ASAP1: variants seen among roughly 807,000 people sequenced by gnomAD.
The protein encoded by ASAP1 is arf-GAP with SH3 domain, ANK repeat and PH domain-containing protein 1.
A neutral mutation model predicts 145.2 loss-of-function variants in ASAP1; 43 were observed. The ratio of observed to expected loss-of-function variants is 0.30; its 90% CI spans 0.23 to 0.38. The LOEUF (loss-of-function observed/expected upper bound fraction) is 0.38. ASAP1 is among the 10% of genes least tolerant of loss of function. The probability of loss-of-function intolerance (pLI) is 1.00; values close to 1 mark genes in which losing one functional copy is unlikely to be tolerated. For synonymous variants in ASAP1, 546 were observed against 515.5 expected (o/e 1.06, Z -0.80); for missense variants, 1,018 against 1,355.3 (o/e 0.75, Z 3.91).
At chr8:130,098,199 G>C (rs933057510) in intron 24 of ASAP1, among the ~76,000 whole-genome samples, 2 of 152,226 alleles carry the variant, frequency 1.3e-5, no homozygotes, top group African/African-American at 4.8e-5. Flanking sequence ...GCTACGTCCA[G>C]GCAGAACCCC....
intron 17 of ASAP1, among the ~76,000 whole-genome samples, chr8:130,124,625 G>A (rs573085184): frequency 3.3e-5 from 5 of 152,194 alleles, no homozygotes; most frequent in Non-Finnish European, 5.9e-5. Flanking sequence ...GAGGACCCAG[G>A]AACCATTTTG....
chr8:130,344,642 C>T (rs1002269741), intron 3 of ASAP1, among the ~76,000 whole-genome samples: 2 of 152,164 alleles, frequency 1.3e-5, no homozygotes, highest in Admixed American at 6.5e-5. Context: ...GAGGCTGAAG[C>T]GAGATCACTT....
At chr8:130,153,035 G>C (rs2097649842) in intron 12 of ASAP1, among the ~76,000 whole-genome samples, 1 of 150,620 alleles carries the variant, frequency 6.6e-6, no homozygotes, top group South Asian at 2.1e-4. Context: ...TTTTTTTTTT[G>C]AGATGGAGTC....
intron 2 of ASAP1, among the ~76,000 whole-genome samples, chr8:130,394,142 AG>A (rs1283121741): frequency 1.3e-5 from 2 of 152,246 alleles, no homozygotes; most frequent in African/African-American, 4.8e-5. Context: ...AGCAATGTTC[AG>A]GGAACAAGAG....
intron 1 of ASAP1, among the ~76,000 whole-genome samples, chr8:130,423,247 T>C (rs1157356051): frequency 6.6e-6 from 1 of 152,168 alleles, no homozygotes; most frequent in Non-Finnish European, 1.5e-5. Flanking sequence ...GGGAAATATG[T>C]TCAACTTTAG....
intron 24 of ASAP1, among the ~76,000 whole-genome samples, chr8:130,111,604 A>G (rs1019185164): frequency 5.9e-5 from 9 of 152,250 alleles, no homozygotes; most frequent in Non-Finnish European, 2.9e-5. Context: ...CAAGTGCTCC[A>G]TAACTATTAA....
chr8:130,069,389 C>G (rs1020845626), intron 27 of ASAP1, among the ~76,000 whole-genome samples: 1 of 152,126 alleles, frequency 6.6e-6, no homozygotes, highest in Non-Finnish European at 1.5e-5. Flanking sequence ...GCATGTGGCA[C>G]CACGCCTGGC....
At chr8:130,207,006 G>A (rs1472426095) in intron 5 of ASAP1, among the ~76,000 whole-genome samples, 1 of 151,982 alleles carries the variant, frequency 6.6e-6, no homozygotes, top group Admixed American at 6.6e-5. Context: ...AAGGTTGAAC[G>A]TAATTTTTCA....
At chr8:130,189,050 T>C (rs1414466696) in intron 5 of ASAP1, among the ~76,000 whole-genome samples, 1 of 152,206 alleles carries the variant, frequency 6.6e-6, no homozygotes, top group African/African-American at 2.4e-5. Context: ...TATGGATACA[T>C]AATAGTTGTA....
chr8:130,423,172 C>T (rs1237931341), intron 1 of ASAP1, among the ~76,000 whole-genome samples: 2 of 152,122 alleles, frequency 1.3e-5, no homozygotes, highest in Non-Finnish European at 2.9e-5. Context: ...GGGTCAATCT[C>T]GGCTCACTGC....
intron 4 of ASAP1, among the ~76,000 whole-genome samples, chr8:130,234,230 C>G (rs1349616487): frequency 6.6e-6 from 1 of 152,160 alleles, no homozygotes; most frequent in African/African-American, 2.4e-5. Context: ...ATGGCACCCA[C>G]TAGTCATATA....
chr8:130,111,824 T>C (rs553760488), intron 24 of ASAP1, among the ~76,000 whole-genome samples: 1 of 152,190 alleles, frequency 6.6e-6, no homozygotes, highest in African/African-American at 2.4e-5. Flanking sequence ...TTTCCTCTTC[T>C]GTAAAATGGG....
chr8:130,369,717 T>C (rs1226394511), intron 2 of ASAP1, among the ~76,000 whole-genome samples: 1 of 152,076 alleles, frequency 6.6e-6, no homozygotes, highest in African/African-American at 2.4e-5. Context: ...AAGATGGAAA[T>C]TGACAAGTAT....
intron 27 of ASAP1, among the ~76,000 whole-genome samples, chr8:130,071,083 G>T (rs1365362422): frequency 7.1e-6 from 1 of 140,524 alleles, no homozygotes; most frequent in Non-Finnish European, 1.5e-5. Context: ...AGAAAAAAAA[G>T]TATTTTTTCT....
chr8:130,135,322 A>T (rs2097592032), intron 14 of ASAP1, among the ~76,000 whole-genome samples: 1 of 152,104 alleles, frequency 6.6e-6, no homozygotes, highest in Admixed American at 6.5e-5. Context: ...CCCTGCCTCT[A>T]GACAAAAAAT....
chr8:130,400,878 G>A (rs777135798), intron 2 of ASAP1, among the ~76,000 whole-genome samples: 44 of 151,940 alleles, frequency 2.9e-4, no homozygotes, highest in Admixed American at 1.5e-3. Flanking sequence ...TAAAATGAAT[G>A]TAGAAATTCT....
At chr8:130,292,447 G>A (rs985898037) in intron 3 of ASAP1, among the ~76,000 whole-genome samples, 1 of 152,162 alleles carries the variant, frequency 6.6e-6, no homozygotes, top group Non-Finnish European at 1.5e-5. Flanking sequence ...ACAAAGCAGG[G>A]GTCCTTTGAG....
At chr8:130,213,212 G>C (rs911498617) in intron 5 of ASAP1, among the ~76,000 whole-genome samples, 1 of 152,116 alleles carries the variant, frequency 6.6e-6, no homozygotes, top group African/African-American at 2.4e-5. Flanking sequence ...TATCCTTTCC[G>C]AAGTTTTTGA....
At chr8:130,135,988 G>A (rs2097593743) in intron 14 of ASAP1, among the ~76,000 whole-genome samples, 1 of 152,104 alleles carries the variant, frequency 6.6e-6, no homozygotes, top group Non-Finnish European at 1.5e-5. Context: ...GGTTTCAAAG[G>A]GCAAGAAAAT....
Sources: allele counts gnomAD v4.1 joint callset (sites outside exome capture counted in the v4.1 genomes callset), GRCh38; gene constraint gnomAD v4.1.1; transcripts MANE v1.5; gene names NCBI Gene and HGNC (gene_info 2026-07-23, HGNC 2026-07-21).